INTU: variants seen among roughly 807,000 people sequenced by gnomAD.
INTU encodes protein inturned.
Under a neutral mutation model 100.5 loss-of-function variants are expected in INTU, and 68 were observed. The observed-to-expected ratio is 0.68, with a 90% CI of 0.56 to 0.83. The LOEUF (loss-of-function observed/expected upper bound fraction) is 0.83. Ranked by LOEUF, INTU falls within the 40% of genes least tolerant of loss-of-function variation. The pLI is 0.00. For missense variants in INTU, 1,071 were observed against 1,114.7 expected, an observed-to-expected ratio of 0.96 and a Z score of 0.56; for synonymous variants, 357 against 395.7, an observed-to-expected ratio of 0.90 and a Z score of 1.16.
rs184826433 is a variant in INTU, at chr4:127,681,760, A to T, written c.1182-2649A>T. On this transcript the variant is annotated intron_variant, in intron 6 of 15. Transcript: ENST00000335251. ...AAGACAAAATTGACAAATGGGATCT[A>T]ATTAAACTAAAGAGCTTCTACACAG... Among the ~76,000 whole-genome samples the T allele has an allele frequency of 3.6e-3, 546 of 152,292 alleles. 5 individuals carry two copies. Among genetic ancestry groups the T allele is most frequent in the Non-Finnish European group, 6.4e-3 (433 of 68,028 alleles).
chr4:127,713,104 T>C (rs1351819975), intron 14 of INTU, among the ~76,000 whole-genome samples: 1 of 152,204 alleles, frequency 6.6e-6, no homozygotes, highest in African/African-American at 2.4e-5. Context: ...AAAGAGATGA[T>C]ACATTCTTGA....
At position 127,706,907 on chromosome 4, in the gene INTU, G is replaced by C; in HGVS notation, c.2209G>C (p.Val737Leu). Residue 737 changes from valine (V) to leucine (L), a missense_variant, in exon 12 of 16, where the codon GTA becomes CTA. Val to Leu is a conservative substitution (Grantham distance 32). Transcript: ENST00000335251. ...GFSPHTTPDAVRKQRESQGSD... is the reference protein window; with the variant it reads ...GFSPHTTPDALRKQRESQGSD... ...TAGCCCCCATACTACACCGGATGCA[G>C]TACGGAAGCAAAGAGAATCTCAGGG... 6.2e-7 allele frequency: 1 copy of C among 1,614,082 alleles called. No individual in the cohort carries two copies. The highest frequency in any genetic ancestry group is 8.5e-7 in the Non-Finnish European group (1 of 1,179,958).
chr4:127,710,965 G>A lies in INTU; in HGVS notation c.2422G>A (p.Val808Met). ...TLFHYVALET[V>M]QGIFITPTLE... is the part of the protein sequence containing the mutation. Reference sequence around the variant, plus strand: ...TTTCCACTACGTTGCCTTAGAAACAGTGCAAGGAATCTTTATTACTCCTAC... The same window carrying A: ...TTTCCACTACGTTGCCTTAGAAACAATGCAAGGAATCTTTATTACTCCTAC... The change falls in exon 14 of 16, where the codon GTG becomes ATG. Residue 808 changes from valine (V) to methionine (M), a missense_variant. Physicochemically the swap from Val to Met is conservative, Grantham distance 21. Coordinates refer to ENST00000335251, the MANE Select transcript of INTU (RefSeq NM_015693.4). The A allele has an allele frequency of 1.3e-6, 2 of 1,583,610 alleles. No homozygotes were observed. The highest frequency in any genetic ancestry group is 1.7e-5 in the Admixed American group (1 of 59,534).
intron 6 of INTU, among the ~76,000 whole-genome samples, chr4:127,677,872 A>G (rs1051531484): frequency 7.2e-5 from 11 of 152,224 alleles, no homozygotes; most frequent in East Asian, 1.9e-4. Flanking sequence ...AGATGAATGT[A>G]TAACTAGAAT....
chr4:127,695,100 C>A (rs1730325050), intron 8 of INTU, among the ~76,000 whole-genome samples: 1 of 152,168 alleles, frequency 6.6e-6, no homozygotes, highest in Non-Finnish European at 1.5e-5. Flanking sequence ...AATATTGAGT[C>A]TTCCTATCCA....
intron 9 of INTU, among the ~76,000 whole-genome samples, chr4:127,700,902 A>G (rs1348837361): frequency 6.6e-6 from 1 of 152,158 alleles, no homozygotes; most frequent in Non-Finnish European, 1.5e-5. Flanking sequence ...ACCATATGTC[A>G]AGGTTACCAA....
intron 6 of INTU, among the ~76,000 whole-genome samples, chr4:127,678,125 T>G (rs1262712635): frequency 6.6e-6 from 1 of 152,174 alleles, no homozygotes; most frequent in Non-Finnish European, 1.5e-5. Flanking sequence ...CTACGTCTGA[T>G]TGGTGTACCT....
intron 6 of INTU, among the ~76,000 whole-genome samples, chr4:127,680,599 G>A (rs1193035353): frequency 3.0e-5 from 3 of 99,980 alleles, no homozygotes; most frequent in African/African-American, 3.9e-5. Context: ...TTGATGGGAC[G>A]TATCTCAAAA....
intron 12 of INTU, 87 bp from the exon 13 acceptor site, chr4:127,708,484 C>T (rs1730975059): frequency 1.4e-6 from 1 of 701,214 alleles, no homozygotes; most frequent in East Asian, 2.8e-5. Flanking sequence ...AAGTAGTTCC[C>T]TCAGAAGGAT....
At chr4:127,705,491 C>A in intron 10 of INTU, 100 bp from the exon 11 acceptor site, 1 of 896,944 alleles carries the variant, frequency 1.1e-6, no homozygotes, top group Non-Finnish European at 1.8e-6. Flanking sequence ...CTAGAATATT[C>A]TAAACCAACG....
In INTU at chr4:127,688,340, C is replaced by A. The variant is rs542714730; in HGVS notation, c.1449+473C>A. Among the ~76,000 whole-genome samples, 3 of 152,186 alleles carry A rather than the reference C, an allele frequency of 2.0e-5. No homozygotes were observed. In the South Asian group the frequency reaches 6.2e-4, roughly 32 times the overall value. ...TTTGGCTTGTCCCATGGATCGCATA[C>A]CAATAGTAAAACTGTATGACGGTTA... On this transcript the variant is annotated intron_variant, in intron 8 of 15. Coordinates refer to ENST00000335251, the MANE Select transcript of INTU (RefSeq NM_015693.4).
At chr4:127,700,886 G>T (rs550193864) in intron 9 of INTU, among the ~76,000 whole-genome samples, 1 of 152,004 alleles carries the variant, frequency 6.6e-6, no homozygotes, top group Non-Finnish European at 1.5e-5. Flanking sequence ...TGCCTTTCTT[G>T]TCTAAACCAT....
At chr4:127,636,801 T>C (rs1727094381) in intron 1 of INTU, among the ~76,000 whole-genome samples, 1 of 152,158 alleles carries the variant, frequency 6.6e-6, no homozygotes, top group South Asian at 2.1e-4. Flanking sequence ...AAATATTTCA[T>C]TTAGACTCAT....
intron 1 of INTU, among the ~76,000 whole-genome samples, chr4:127,638,657 C>G (rs1269416322): frequency 1.3e-5 from 2 of 152,094 alleles, no homozygotes; most frequent in Admixed American, 1.3e-4. Flanking sequence ...AGTGAACTTG[C>G]TTATTTGCAA....
At chr4:127,667,829 C>T (rs544280550) in intron 4 of INTU, among the ~76,000 whole-genome samples, 1 of 152,110 alleles carries the variant, frequency 6.6e-6, no homozygotes, top group South Asian at 2.1e-4. Flanking sequence ...TAGCAATTTG[C>T]ATATATTGAA....
At chr4:127,703,208 G>A (rs889925265) in intron 9 of INTU, among the ~76,000 whole-genome samples, 5 of 152,130 alleles carry the variant, frequency 3.3e-5, no homozygotes, top group Admixed American at 6.6e-5. Context: ...TCATATGCAT[G>A]TATCACAATT....
chr4:127,706,237 G>A (rs1318199351), intron 11 of INTU, among the ~76,000 whole-genome samples: 2 of 152,108 alleles, frequency 1.3e-5, no homozygotes, highest in African/African-American at 2.4e-5. Context: ...GCTATCTTAG[G>A]GAATTCTGTG....
chr4:127,677,420 A>G (rs1729272305), intron 6 of INTU, among the ~76,000 whole-genome samples: 1 of 150,704 alleles, frequency 6.6e-6, no homozygotes. Context: ...AGGAACGATC[A>G]GACAGCAGCA....
chr4:127,646,861 A>G (rs1489637572), intron 2 of INTU, among the ~76,000 whole-genome samples: 1 of 152,220 alleles, frequency 6.6e-6, no homozygotes, highest in East Asian at 1.9e-4. Flanking sequence ...TAGTAAATGC[A>G]TTGGCAGAAA....
Sources: allele counts gnomAD v4.1 joint callset (sites outside exome capture counted in the v4.1 genomes callset), GRCh38; gene constraint gnomAD v4.1.1; transcripts MANE v1.5; gene names NCBI Gene and HGNC (gene_info 2026-07-23, HGNC 2026-07-21).